NRG3: variants seen among roughly 807,000 people sequenced by gnomAD.
NRG3 encodes pro-neuregulin-3, membrane-bound isoform.
Under a neutral mutation model 66.9 loss-of-function variants are expected in NRG3, and 31 were observed. The ratio of observed to expected loss-of-function variants is 0.46; its 90% CI spans 0.35 to 0.63. NRG3 has a LOEUF of 0.63. Ranked by LOEUF, NRG3 falls within the 20% of genes least tolerant of loss-of-function variation. The pLI, the probability that NRG3 is intolerant of heterozygous loss-of-function variation, is 0.00. For missense variants in NRG3, 910 were observed against 878.9 expected (o/e 1.04, Z -0.45); for synonymous variants, 393 against 359.4 (o/e 1.09, Z -1.06).
chr10:82,106,966 T>C (rs2067105303), intron 1 of NRG3, among the ~76,000 whole-genome samples: 1 of 152,220 alleles, frequency 6.6e-6, no homozygotes, highest in South Asian at 2.1e-4. Context: ...ATTTATTTCC[T>C]TCTCCACTTA....
intron 1 of NRG3, among the ~76,000 whole-genome samples, chr10:81,955,362 T>C (rs556308103): frequency 8.6e-5 from 13 of 151,950 alleles, no homozygotes; most frequent in Non-Finnish European, 1.9e-4. Context: ...TTGAAGGCCA[T>C]CAGACAGGAG....
Position 82,013,318 on chromosome 10 carries a change from A to G in NRG3, c.823+137155A>G, listed in dbSNP as rs115588026. ...TGGGGGAAACCACTCCCATGATTCA[A>G]TTATCTCCACCTCGCCTTGCCCTTG... On this transcript the variant is annotated intron_variant, in intron 1 of 8. Coordinates refer to ENST00000372141, the MANE Select transcript of NRG3 (RefSeq NM_001010848.4). 4.8e-3 allele frequency among the ~76,000 whole-genome samples: 729 copies of G among 152,254 alleles called. 4 individuals are homozygous for G. The highest frequency in any genetic ancestry group is 0.016 in the African/African-American group (673 of 41,546).
At chr10:82,272,398 G>A (rs10509451) in intron 1 of NRG3, among the ~76,000 whole-genome samples, 15,897 of 151,994 alleles carry the variant, frequency 0.1, 1,011 homozygotes, top group Non-Finnish European at 0.15. Flanking sequence ...AAGTCACCTA[G>A]GGAGTTTGGA....
At chr10:82,779,194 C>T (rs188674113) in intron 3 of NRG3, among the ~76,000 whole-genome samples, 48 of 152,224 alleles carry the variant, frequency 3.2e-4, no homozygotes, top group Admixed American at 1.8e-3. Context: ...CTAAGCTGGG[C>T]TTAGAACCTG....
intron 1 of NRG3, among the ~76,000 whole-genome samples, chr10:82,108,977 G>C (rs927536371): frequency 6.6e-6 from 1 of 152,100 alleles, no homozygotes; most frequent in Non-Finnish European, 1.5e-5. Flanking sequence ...AACTCTCTGG[G>C]CCATTACCCT....
chr10:82,227,769 G>A (rs955823295), intron 1 of NRG3, among the ~76,000 whole-genome samples: 3 of 152,164 alleles, frequency 2.0e-5, no homozygotes, highest in South Asian at 4.1e-4. Flanking sequence ...ATTACTCCAA[G>A]ATAGACTGGT....
intron 3 of NRG3, among the ~76,000 whole-genome samples, chr10:82,760,120 G>T (rs2644212): frequency 0.8 from 122,017 of 151,910 alleles, 49,123 homozygotes; most frequent in Admixed American, 0.85. Flanking sequence ...TGGCTTGGAG[G>T]TTTAATTTAC....
At chr10:82,466,302 C>T (rs1326439394) in intron 2 of NRG3, among the ~76,000 whole-genome samples, 1 of 152,130 alleles carries the variant, frequency 6.6e-6, no homozygotes, top group Non-Finnish European at 1.5e-5. Flanking sequence ...ACCAGGCTTT[C>T]TTCCCCAAAA....
intron 3 of NRG3, among the ~76,000 whole-genome samples, chr10:82,817,488 C>CTT (rs1477782042): frequency 1.2e-4 from 18 of 152,142 alleles, no homozygotes; most frequent in African/African-American, 4.3e-4. Context: ...CTTGTTGGTT[C>CTT]TTTTTCTTTT....
intron 1 of NRG3, among the ~76,000 whole-genome samples, chr10:82,171,400 C>T (rs960624321): frequency 3.3e-5 from 5 of 151,984 alleles, no homozygotes; most frequent in Non-Finnish European, 7.4e-5. Flanking sequence ...TTTGCCAGCA[C>T]CAAAGAAAAT....
chr10:82,855,355 C>T (rs2063753196), intron 3 of NRG3, among the ~76,000 whole-genome samples: 1 of 151,902 alleles, frequency 6.6e-6, no homozygotes, highest in Non-Finnish European at 1.5e-5. Flanking sequence ...TAGACTTTCC[C>T]CTATTTTATT....
intron 3 of NRG3, among the ~76,000 whole-genome samples, chr10:82,746,197 T>C (rs1177142504): frequency 6.6e-6 from 1 of 152,182 alleles, no homozygotes; most frequent in Non-Finnish European, 1.5e-5. Context: ...AGACTTGTAT[T>C]TGGTTTTAAC....
At chr10:82,120,692 C>A (rs2132357748) in intron 1 of NRG3, among the ~76,000 whole-genome samples, 1 of 152,174 alleles carries the variant, frequency 6.6e-6, no homozygotes, top group East Asian at 1.9e-4. Flanking sequence ...TTTGAGGGAC[C>A]AAATTGCACA....
intron 1 of NRG3, among the ~76,000 whole-genome samples, chr10:82,164,519 GC>G (rs2133000675): frequency 6.6e-6 from 1 of 152,000 alleles, no homozygotes; most frequent in Non-Finnish European, 1.5e-5. Context: ...TCGAACCACT[GC>G]CCTTTACACA....
chr10:82,300,521 C>T (rs769860156), intron 1 of NRG3, among the ~76,000 whole-genome samples: 5 of 152,062 alleles, frequency 3.3e-5, no homozygotes, highest in African/African-American at 9.7e-5. Context: ...TTTGTACTAT[C>T]GGGAAAGAAC....
At chr10:82,194,578 TC>T (rs2074347757) in intron 1 of NRG3, among the ~76,000 whole-genome samples, 1 of 151,934 alleles carries the variant, frequency 6.6e-6, no homozygotes, top group South Asian at 2.1e-4. Context: ...TGCTGCTGCC[TC>T]CCCGTAGTTC....
At chr10:82,063,439 C>A (rs1441131722) in intron 1 of NRG3, among the ~76,000 whole-genome samples, 1 of 151,414 alleles carries the variant, frequency 6.6e-6, no homozygotes, top group Non-Finnish European at 1.5e-5. Context: ...CTCTGCTGTT[C>A]TACTGATAAA....
intron 1 of NRG3, among the ~76,000 whole-genome samples, chr10:81,996,315 C>A (rs974555427): frequency 2.0e-5 from 3 of 152,156 alleles, no homozygotes; most frequent in African/African-American, 7.2e-5. Context: ...AGACTCTTGC[C>A]ATTTAGCTGA....
chr10:82,573,754 A>C (rs1453265263), intron 2 of NRG3, among the ~76,000 whole-genome samples: 1 of 151,786 alleles, frequency 6.6e-6, no homozygotes, highest in African/African-American at 2.4e-5. Context: ...CTGTTGCTGC[A>C]TGGGAAGTTT....
Sources: gnomAD v4.1 joint callset for allele counts (sites outside exome capture counted in the v4.1 genomes callset) on GRCh38, gnomAD v4.1.1 for gene constraint, MANE v1.5 for transcripts, NCBI Gene and HGNC (gene_info 2026-07-23, HGNC 2026-07-21) for gene names.